ZNHIT6: variants seen among roughly 807,000 people sequenced by gnomAD.
The protein encoded by ZNHIT6 is box C/D snoRNA protein 1.
Under a neutral mutation model 57.2 loss-of-function variants are expected in ZNHIT6, and 45 were observed. The observed-to-expected ratio is 0.79, with a 90% confidence interval of 0.62 to 1.01. The LOEUF (loss-of-function observed/expected upper bound fraction) is 1.01, where lower values mean the gene tolerates loss of function less well. Among genes scored for constraint, ZNHIT6 ranks in the 50% least tolerant of loss-of-function variants. ZNHIT6 has a pLI of 0.00. For missense variants in ZNHIT6, 528 were observed against 567.3 expected (o/e 0.93, Z 0.70); for synonymous variants, 188 against 190.0 (o/e 0.99, Z 0.09).
In ZNHIT6 at chr1:85,680,817, T is replaced by C; in HGVS notation, c.1088+19A>G. ...CTTCAAATTAAAACAAATCAGTGATTGAAAGATAGCAGTGATACCTTTTTT... is the reference window on the plus strand; with the variant it reads ...CTTCAAATTAAAACAAATCAGTGATCGAAAGATAGCAGTGATACCTTTTTT... On this transcript the variant is annotated intron_variant, in intron 6 of 9. Transcript: ENST00000370574. 1.3e-6 allele frequency: 2 copies of C among 1,590,106 alleles called. No homozygotes were observed. The highest frequency in any genetic ancestry group is 1.7e-6 in the Non-Finnish European group (2 of 1,163,320).
chr1:85,680,734 A>G (rs1661848983), intron 6 of ZNHIT6, 102 bp downstream of exon 6: 5 of 811,412 alleles, frequency 6.2e-6, no homozygotes, highest in Non-Finnish European at 9.8e-6. Flanking sequence ...ATACACCACA[A>G]TTTAGTTATC....
At position 85,703,613 on chromosome 1, in the gene ZNHIT6, G is replaced by A. The variant is rs1407852570; in HGVS notation, c.916-1353C>T. The stretch of plus-strand genomic sequence containing the variant: ...TGAAAAATTAAATGGGAACTCCTCT[G>A]TATATGATACCAAAAATCAATTCCA... On this transcript the variant is annotated intron_variant, in intron 4 of 9. Coordinates refer to ENST00000370574, the MANE Select transcript of ZNHIT6 (RefSeq NM_017953.4). Among the ~76,000 whole-genome samples, 24 of 152,126 alleles carry A rather than the reference G, an allele frequency of 1.6e-4. 1 individual carries two copies. Among genetic ancestry groups the A allele is most frequent in the Admixed American group, 1.6e-3 (24 of 15,280 alleles).
At chr1:85,656,107 C>A (rs1661053146) in intron 9 of ZNHIT6, among the ~76,000 whole-genome samples, 1 of 152,082 alleles carries the variant, frequency 6.6e-6, no homozygotes, top group Non-Finnish European at 1.5e-5. Context: ...AAGGTATCAC[C>A]CTGCAAAATA....
At chr1:85,660,025 A>G (rs1381267704) in intron 8 of ZNHIT6, among the ~76,000 whole-genome samples, 1 of 152,234 alleles carries the variant, frequency 6.6e-6, no homozygotes, top group African/African-American at 2.4e-5. Flanking sequence ...ATGTACTTAC[A>G]ATACTTTAAA....
chr1:85,685,527 C>G (rs1240305308), intron 5 of ZNHIT6, among the ~76,000 whole-genome samples: 1 of 152,112 alleles, frequency 6.6e-6, no homozygotes, highest in Admixed American at 6.5e-5. Context: ...TAATTTTTAC[C>G]TACGAATATG....
intron 6 of ZNHIT6, among the ~76,000 whole-genome samples, chr1:85,679,887 C>T (rs780299141): frequency 2.0e-5 from 3 of 152,162 alleles, no homozygotes; most frequent in Non-Finnish European, 4.4e-5. Flanking sequence ...ATCTGGCCAA[C>T]ATTAAAATGT....
At chr1:85,702,853 A>C (rs533482992) in intron 4 of ZNHIT6, among the ~76,000 whole-genome samples, 3 of 152,344 alleles carry the variant, frequency 2.0e-5, no homozygotes, top group South Asian at 4.1e-4. Flanking sequence ...TGATTAAGCT[A>C]AACTGGGCAA....
rs1660888827 is a variant in ZNHIT6 at position 85,650,989 on chromosome 1, T to TA, written c.*3068dup. The TA allele has an allele frequency of 6.6e-6, 1 of 152,156 alleles. No homozygotes were observed. Among genetic ancestry groups the TA allele is most frequent in the Non-Finnish European group, 1.5e-5 (1 of 68,026 alleles). The allele number at this position is 152,156 out of a possible 1,614,324, so 9.4% of individuals were successfully genotyped here. A position where few individuals can be genotyped will look rare whatever the true frequency, so the allele number is the denominator to read the frequency against. On this transcript the variant is annotated 3_prime_UTR_variant, in exon 10 of 10. Transcript: ENST00000370574. The stretch of plus-strand genomic sequence containing the variant: ...GTAGGAACAAACTATATTCAAACCA[T>TA]AACAGTATATGATTAAATAAAAATA...
At position 85,655,432 on chromosome 1, in the gene ZNHIT6, A is replaced by G. The variant is rs191549454; in HGVS notation, c.1373-1334T>C. ...GTATTTTCACTAATTCCAGTAATCA[A>G]TTTTGGGTTGGATTCCTTCTCTAAA... On this transcript the variant is annotated intron_variant, in intron 9 of 9. Transcript: ENST00000370574. 5.0e-3 allele frequency among the ~76,000 whole-genome samples: 767 copies of G among 152,326 alleles called. 4 individuals carry two copies. The highest frequency in any genetic ancestry group is 0.017 in the African/African-American group (725 of 41,580).
At chr1:85,684,544 G>C (rs1661971009) in intron 5 of ZNHIT6, among the ~76,000 whole-genome samples, 1 of 151,966 alleles carries the variant, frequency 6.6e-6, no homozygotes, top group South Asian at 2.1e-4. Flanking sequence ...CTCCTTGGGA[G>C]GCAATAATAA....
chr1:85,689,807 G>T (rs1662167539), intron 5 of ZNHIT6, among the ~76,000 whole-genome samples: 1 of 151,932 alleles, frequency 6.6e-6, no homozygotes. Context: ...GTAGGTAGGG[G>T]GCAAGGAATG....
intron 8 of ZNHIT6, 147 bp from the exon 9 acceptor site, chr1:85,658,118 A>T (rs1661114867): frequency 4.0e-6 from 2 of 503,344 alleles, no homozygotes; most frequent in Admixed American, 8.0e-5. Context: ...TAGTAAGTTT[A>T]ATACCTTCTA....
At chr1:85,671,611 T>C (rs955277054) in intron 8 of ZNHIT6, among the ~76,000 whole-genome samples, 1 of 152,228 alleles carries the variant, frequency 6.6e-6, no homozygotes, top group African/African-American at 2.4e-5. Flanking sequence ...CATGATGTTC[T>C]AGTTGAAACT....
intron 8 of ZNHIT6, among the ~76,000 whole-genome samples, chr1:85,673,113 G>A (rs1476791702): frequency 2.0e-5 from 3 of 151,978 alleles, no homozygotes; most frequent in African/African-American, 4.8e-5. Context: ...GAAATAAGGC[G>A]GCAAAGGGCA....
At chr1:85,676,124 G>A (rs980642774) in intron 8 of ZNHIT6, among the ~76,000 whole-genome samples, 6 of 152,076 alleles carry the variant, frequency 3.9e-5, no homozygotes, top group Non-Finnish European at 7.4e-5. Flanking sequence ...ATCACCTGAG[G>A]TCGGGAGTTT....
intron 8 of ZNHIT6, among the ~76,000 whole-genome samples, chr1:85,662,138 A>C (rs1401045093): frequency 1.4e-5 from 2 of 145,674 alleles, no homozygotes; most frequent in African/African-American, 5.0e-5. Flanking sequence ...GTACTTTATT[A>C]GCAAATTAGT....
intron 5 of ZNHIT6, among the ~76,000 whole-genome samples, chr1:85,683,817 A>G (rs1429708551): frequency 6.6e-6 from 1 of 152,090 alleles, no homozygotes; most frequent in Non-Finnish European, 1.5e-5. Flanking sequence ...AGCAGTGCTG[A>G]TATTTTGGAC....
chr1:85,687,299 C>CAAAA (rs55889012), intron 5 of ZNHIT6, among the ~76,000 whole-genome samples: 1 of 77,948 alleles, frequency 1.3e-5, no homozygotes, highest in African/African-American at 4.8e-5. Context: ...AAAAAAAAAA[C>CAAAA]AAAAAAAAAA....
In ZNHIT6 at chr1:85,651,235, C is replaced by T. The variant is rs1660897041; in HGVS notation, c.*2823G>A. 6.8e-6 allele frequency: 1 copy of T among 146,740 alleles called. No homozygotes were observed. The highest frequency in any genetic ancestry group is 2.2e-4 in the South Asian group (1 of 4,650). The allele number at this position is 146,740 out of a possible 1,614,324, so 9.1% of individuals were successfully genotyped here. On this transcript the variant is annotated 3_prime_UTR_variant, in exon 10 of 10. Coordinates refer to ENST00000370574, the MANE Select transcript of ZNHIT6 (RefSeq NM_017953.4). ...AATCTTAAATATCTATTTTTAATAA[C>T]TTTTTTTTTTTTTGAGGCAGAGTCT...
Sources: allele counts gnomAD v4.1 joint callset (sites outside exome capture counted in the v4.1 genomes callset), GRCh38; gene constraint gnomAD v4.1.1; transcripts MANE v1.5; gene names NCBI Gene and HGNC (gene_info 2026-07-23, HGNC 2026-07-21).